Variants in SEM1 observed in about 807,000 individuals in gnomAD.
The protein encoded by SEM1 is SEM1 26S proteasome subunit.
In SEM1, 3 loss-of-function variants were observed where a neutral mutation model predicts 12.7. The ratio of observed to expected loss-of-function variants is 0.24; its 90% CI spans 0.11 to 0.61. The LOEUF is 0.61. SEM1 is among the 20% of genes least tolerant of loss of function. The probability of loss-of-function intolerance (pLI) is 0.88; values close to 1 mark genes in which losing one functional copy is unlikely to be tolerated. For synonymous variants in SEM1, 30 were observed against 27.8 expected, an observed-to-expected ratio of 1.08 and a Z score of -0.25; for missense variants, 59 against 81.3, an observed-to-expected ratio of 0.73 and a Z score of 1.06.
intron 2 of SEM1, among the ~76,000 whole-genome samples, chr7:96,585,022 C>T (rs994967515): frequency 8.6e-5 from 13 of 151,652 alleles, no homozygotes; most frequent in African/African-American, 3.2e-4. Context: ...GAACTGCGTT[C>T]CTTTGGAGAA....
intron 2 of SEM1, among the ~76,000 whole-genome samples, chr7:96,575,395 G>A (rs941442358): frequency 6.6e-6 from 1 of 152,182 alleles, no homozygotes; most frequent in African/African-American, 2.4e-5. Context: ...TCTATGAGGT[G>A]TCTGTTGACC....
At chr7:96,546,467 A>G (rs994355597) in intron 2 of SEM1, among the ~76,000 whole-genome samples, 6 of 152,110 alleles carry the variant, frequency 3.9e-5, no homozygotes, top group Non-Finnish European at 8.8e-5. Context: ...CATCTTTCAC[A>G]TGAAGAAAAT....
chr7:96,511,978 G>A (rs1296154997), intron 2 of SEM1, among the ~76,000 whole-genome samples: 1 of 152,054 alleles, frequency 6.6e-6, no homozygotes, highest in Non-Finnish European at 1.5e-5. Flanking sequence ...CATAGATTCT[G>A]GATTTCTGAA....
intron 2 of SEM1, among the ~76,000 whole-genome samples, chr7:96,646,150 C>G (rs1808786141): frequency 1.3e-5 from 2 of 152,238 alleles, no homozygotes; most frequent in Admixed American, 6.5e-5. Flanking sequence ...ACAAATCCAG[C>G]CTGCAGCCTT....
chr7:96,504,293 T>C (rs1666468280), intron 3 of SEM1, among the ~76,000 whole-genome samples: 1 of 152,170 alleles, frequency 6.6e-6, no homozygotes, highest in Admixed American at 6.5e-5. Context: ...AATCTGGAAC[T>C]CTTGTCTTAG....
At chr7:96,629,584 T>G (rs1363883384) in intron 2 of SEM1, among the ~76,000 whole-genome samples, 13 of 152,178 alleles carry the variant, frequency 8.5e-5, no homozygotes. Flanking sequence ...ACAGCTATTT[T>G]GAATTCTCTG....
intron 2 of SEM1, among the ~76,000 whole-genome samples, chr7:96,515,793 A>G (rs4389863): frequency 0.71 from 108,182 of 151,974 alleles, 38,972 homozygotes; most frequent in East Asian, 0.87. Flanking sequence ...ACCAAACACC[A>G]CATGTTCTCA....
downstream of SEM1, among the ~76,000 whole-genome samples, chr7:96,670,186 T>C (rs908814566): frequency 6.6e-6 from 1 of 152,158 alleles, no homozygotes; most frequent in Admixed American, 6.6e-5. Flanking sequence ...AATAACAAAA[T>C]CTATAATTCA....
chr7:96,519,529 G>A (rs568801602), intron 2 of SEM1, among the ~76,000 whole-genome samples: 1 of 152,212 alleles, frequency 6.6e-6, no homozygotes, highest in African/African-American at 2.4e-5. Context: ...TTTTTAAATA[G>A]GTTGGTGATG....
intron 1 of SEM1, chr7:96,696,141 C>T (rs1368720519): frequency 6.6e-6 from 1 of 151,592 alleles, no homozygotes; most frequent in African/African-American, 2.4e-5. Context: ...TCATTTACAA[C>T]AAAGATAAAG....
At chr7:96,518,928 A>G (rs183086118) in intron 2 of SEM1, among the ~76,000 whole-genome samples, 1 of 152,280 alleles carries the variant, frequency 6.6e-6, no homozygotes, top group African/African-American at 2.4e-5. Flanking sequence ...TGTGCTTGCA[A>G]ACATTGAATA....
At chr7:96,505,416 A>G (rs1325869103) in intron 3 of SEM1, among the ~76,000 whole-genome samples, 1 of 152,022 alleles carries the variant, frequency 6.6e-6, no homozygotes, top group Admixed American at 6.6e-5. Flanking sequence ...ATAAGGAGTT[A>G]TCTCTAATTG....
At chr7:96,651,070 CAGA>C (rs1469906079) in intron 2 of SEM1, among the ~76,000 whole-genome samples, 2 of 152,130 alleles carry the variant, frequency 1.3e-5, no homozygotes, top group Non-Finnish European at 2.9e-5. Context: ...CCATGTTCTC[CAGA>C]AGAACAGCTT....
At chr7:96,667,444 G>A (rs758278852) in intron 2 of SEM1, among the ~76,000 whole-genome samples, 28 of 152,122 alleles carry the variant, frequency 1.8e-4, no homozygotes, top group Non-Finnish European at 3.4e-4. Flanking sequence ...CTTCAAAGGC[G>A]TAGGTTATGA....
upstream of SEM1, among the ~76,000 whole-genome samples, chr7:96,496,527 A>G (rs1372438950): frequency 6.6e-6 from 1 of 152,170 alleles, no homozygotes; most frequent in Non-Finnish European, 1.5e-5. Context: ...ATAATTATGA[A>G]GAGGTTGATA....
In SEM1 at chr7:96,614,922, ATTG is replaced by A. The variant is rs72221968; in HGVS notation, c.170+79873_170+79875del. ...TTTATAGTATAAGGTCACAATTCTT[ATTG>A]TTTTTTCTTATGAGCCTCTATCAAT... On this transcript the variant is annotated intron_variant and NMD_transcript_variant, in intron 2 of 3. Coordinates refer to the SEM1 transcript ENST00000466986. Among the ~76,000 whole-genome samples the A allele has an allele frequency of 2.3e-3, 355 of 152,284 alleles. 4 individuals are homozygous for A. Among genetic ancestry groups the A allele is most frequent in the African/African-American group, 7.9e-3 (328 of 41,556 alleles).
At chr7:96,630,516 C>T (rs930416573) in intron 2 of SEM1, among the ~76,000 whole-genome samples, 3 of 152,156 alleles carry the variant, frequency 2.0e-5, no homozygotes, top group African/African-American at 7.2e-5. Context: ...TTGGGACTCA[C>T]TTTTCAGGGG....
chr7:96,534,877 C>T (rs1237332177), intron 2 of SEM1, among the ~76,000 whole-genome samples: 3 of 151,980 alleles, frequency 2.0e-5, no homozygotes, highest in Middle Eastern at 3.4e-3. Flanking sequence ...ATACTTACTG[C>T]TTTTTAAGAA....
intron 2 of SEM1, among the ~76,000 whole-genome samples, chr7:96,552,510 G>T (rs1480685887): frequency 6.7e-6 from 1 of 150,216 alleles, no homozygotes; most frequent in Non-Finnish European, 1.5e-5. Flanking sequence ...TCCCTACAAA[G>T]GATATGAACT....
Sources: gnomAD v4.1 joint callset for allele counts (sites outside exome capture counted in the v4.1 genomes callset) on GRCh38, gnomAD v4.1.1 for gene constraint, MANE v1.5 for transcripts, NCBI Gene and HGNC (gene_info 2026-07-23, HGNC 2026-07-21) for gene names.